The following FHIT variants were observed in gnomAD, a reference collection of about 807,000 sequenced individuals.
The protein encoded by FHIT is fragile histidine triad diadenosine triphosphatase.
FHIT carries 19 observed loss-of-function variants against 17.9 expected under a neutral mutation model. The ratio of observed to expected loss-of-function variants is 1.06; its 90% confidence interval spans 0.74 to 1.56. FHIT has a LOEUF of 1.56. FHIT is among the 40% of genes most tolerant of loss of function. FHIT has a pLI of 0.00. For missense variants in FHIT, 248 were observed against 189.2 expected (o/e 1.31, Z -1.82); for synonymous variants, 81 against 69.7 (o/e 1.16, Z -0.81).
intron 2 of FHIT, among the ~76,000 whole-genome samples, chr3:61,081,336 G>A (rs2035130514): frequency 6.6e-6 from 1 of 152,096 alleles, no homozygotes; most frequent in Admixed American, 6.6e-5. Flanking sequence ...AAGGGAGGTT[G>A]TCAGCCCTCT....
chr3:60,035,632 G>A (rs1701185234), intron 5 of FHIT, among the ~76,000 whole-genome samples: 1 of 152,132 alleles, frequency 6.6e-6, no homozygotes, highest in South Asian at 2.1e-4. Context: ...ATGAATTAAG[G>A]ACAAGATTCA....
chr3:60,759,354 C>A (rs1699555536), intron 4 of FHIT, among the ~76,000 whole-genome samples: 1 of 152,052 alleles, frequency 6.6e-6, no homozygotes, highest in African/African-American at 2.4e-5. Flanking sequence ...ATTTGATATG[C>A]CATTTAAATA....
intron 7 of FHIT, among the ~76,000 whole-genome samples, chr3:59,955,657 G>T (rs1203503559): frequency 6.6e-6 from 1 of 152,078 alleles, no homozygotes; most frequent in Non-Finnish European, 1.5e-5. Flanking sequence ...CCCAAACTTA[G>T]TTTTTCCTCA....
chr3:60,234,945 C>T, intron 5 of FHIT, among the ~76,000 whole-genome samples: 1 of 152,098 alleles, frequency 6.6e-6, no homozygotes. Context: ...AATATTTTTA[C>T]TTTTAATATA....
intron 5 of FHIT, among the ~76,000 whole-genome samples, chr3:60,188,794 A>T (rs1266558942): frequency 2.0e-5 from 3 of 152,178 alleles, no homozygotes; most frequent in African/African-American, 7.2e-5. Flanking sequence ...AAGAAAGAAA[A>T]AATAGTAAGC....
At chr3:59,942,928 C>A (rs1012569863) in intron 7 of FHIT, among the ~76,000 whole-genome samples, 1 of 152,088 alleles carries the variant, frequency 6.6e-6, no homozygotes, top group Non-Finnish European at 1.5e-5. Context: ...GGATTACAAG[C>A]ATGACCCACT....
At chr3:60,135,222 C>G (rs867470721) in intron 5 of FHIT, among the ~76,000 whole-genome samples, 3 of 152,114 alleles carry the variant, frequency 2.0e-5, no homozygotes, top group Non-Finnish European at 4.4e-5. Flanking sequence ...GGGTCACATA[C>G]AAACAAATCA....
At position 59,853,788 on chromosome 3, in the gene FHIT, C is replaced by G. The variant is rs1196287143; in HGVS notation, c.348+68558G>C. Among the ~76,000 whole-genome samples the G allele has an allele frequency of 2.6e-5, 4 of 152,084 alleles. 1 individual carries two copies. Among genetic ancestry groups the G allele is most frequent in the Non-Finnish European group, 5.9e-5 (4 of 68,014 alleles). On this transcript the variant is annotated intron_variant, in intron 8 of 9. Coordinates refer to ENST00000492590, the MANE Select transcript of FHIT (RefSeq NM_002012.4). Reference sequence around the variant, plus strand: ...ATGCCATGTTGGAACTTCCCAGAGACAGTTAAAATTAGCTAGCTAATTTCC... The same window carrying G: ...ATGCCATGTTGGAACTTCCCAGAGAGAGTTAAAATTAGCTAGCTAATTTCC...
At chr3:59,871,462 G>A (rs779514251) in intron 8 of FHIT, among the ~76,000 whole-genome samples, 64 of 151,496 alleles carry the variant, frequency 4.2e-4, no homozygotes, top group Non-Finnish European at 7.5e-4. Context: ...CCCCACACAC[G>A]CACACATACA....
At chr3:60,160,151 T>TCTGTGTGG (rs1315838561) in intron 5 of FHIT, among the ~76,000 whole-genome samples, 1 of 152,068 alleles carries the variant, frequency 6.6e-6, no homozygotes, top group Admixed American at 6.5e-5. Flanking sequence ...TGTCTGTGTG[T>TCTGTGTGG]CTGTGTGTCT....
At chr3:60,987,874 G>A (rs1002724018) in intron 3 of FHIT, among the ~76,000 whole-genome samples, 1 of 152,154 alleles carries the variant, frequency 6.6e-6, no homozygotes, top group Non-Finnish European at 1.5e-5. Context: ...AGGTGTTGAG[G>A]TATCTGTCCT....
intron 4 of FHIT, among the ~76,000 whole-genome samples, chr3:60,778,208 TAA>T (rs1463936137): frequency 2.6e-5 from 4 of 152,246 alleles, no homozygotes; most frequent in African/African-American, 9.6e-5. Flanking sequence ...GTTTTTATGT[TAA>T]GTTATAGTAA....
intron 8 of FHIT, among the ~76,000 whole-genome samples, chr3:59,888,149 GCTTT>G (rs1703705296): frequency 6.6e-6 from 1 of 152,258 alleles, no homozygotes; most frequent in South Asian, 2.1e-4. Context: ...GAAGGAGTAT[GCTTT>G]CTTTAACAAG....
chr3:60,097,669 T>C (rs1704012977), intron 5 of FHIT, among the ~76,000 whole-genome samples: 1 of 152,144 alleles, frequency 6.6e-6, no homozygotes, highest in African/African-American at 2.4e-5. Flanking sequence ...ATTTTCTTTT[T>C]TTAATCTTTT....
chr3:59,917,553 T>A (rs373282590), intron 8 of FHIT, among the ~76,000 whole-genome samples: 15 of 152,174 alleles, frequency 9.9e-5, no homozygotes, highest in East Asian at 3.9e-4. Flanking sequence ...GAAGGGCCCA[T>A]TGAGTTCAGG....
chr3:60,353,396 T>C (rs1699505817), intron 5 of FHIT, among the ~76,000 whole-genome samples: 2 of 152,062 alleles, frequency 1.3e-5, no homozygotes, highest in Non-Finnish European at 2.9e-5. Context: ...CAGTAGAGGG[T>C]CTACTAAAAA....
chr3:60,605,757 A>C (rs2038588498), intron 4 of FHIT, among the ~76,000 whole-genome samples: 2 of 152,200 alleles, frequency 1.3e-5, no homozygotes, highest in South Asian at 4.1e-4. Flanking sequence ...AACACAGCTA[A>C]TGGGGCACCT....
At chr3:60,524,625 C>A (rs752121025) in intron 5 of FHIT, among the ~76,000 whole-genome samples, 3 of 152,134 alleles carry the variant, frequency 2.0e-5, no homozygotes, top group African/African-American at 4.8e-5. Context: ...TGGAGGCCAG[C>A]GTGGCATCCA....
At chr3:61,210,792 C>G (rs1419471423) in intron 1 of FHIT, among the ~76,000 whole-genome samples, 1 of 151,852 alleles carries the variant, frequency 6.6e-6, no homozygotes, top group East Asian at 2.0e-4. Context: ...GGCTCACACA[C>G]AGTGCGCTGC....
Sources: gnomAD v4.1 joint callset for allele counts (sites outside exome capture counted in the v4.1 genomes callset) on GRCh38, gnomAD v4.1.1 for gene constraint, MANE v1.5 for transcripts, NCBI Gene and HGNC (gene_info 2026-07-23, HGNC 2026-07-21) for gene names.